KLHL22: variants seen among roughly 807,000 people sequenced by gnomAD.
KLHL22 encodes kelch-like protein 22.
KLHL22 carries 18 observed loss-of-function variants against 60.7 expected under a neutral mutation model. The ratio of observed to expected loss-of-function variants is 0.30; its 90% confidence interval spans 0.20 to 0.44. The LOEUF (loss-of-function observed/expected upper bound fraction) is 0.44, where lower values mean the gene tolerates loss of function less well. Ranked by LOEUF, KLHL22 falls within the 20% of genes least tolerant of loss-of-function variation. The pLI is 1.00. For synonymous variants in KLHL22, 355 were observed against 354.5 expected (o/e 1.00, Z -0.01); for missense variants, 596 against 852.3 (o/e 0.70, Z 3.74).
intron 2 of KLHL22, 52 bp from the exon 3 acceptor site, chr22:20,471,567 C>A (rs1213218540): frequency 1.3e-6 from 2 of 1,581,232 alleles, no homozygotes; most frequent in African/African-American, 2.7e-5. Context: ...GGACTTAAGC[C>A]CATGTTGCCA....
chr22:20,446,346 T>C lies in KLHL22; in HGVS notation c.1539+97A>G. 4 of 803,156 alleles carry C rather than the reference T, an allele frequency of 5.0e-6. No homozygotes were observed. The Admixed American group carries it at 8.3e-5, about 17-fold the overall frequency. The allele number at this position is 803,156 out of a possible 1,614,324, so 49.8% of individuals were successfully genotyped here. A position where few individuals can be genotyped will look rare whatever the true frequency, so the allele number is the denominator to read the frequency against. On this transcript the variant is annotated intron_variant, in intron 6 of 6. Transcript: ENST00000328879. Reference sequence around the variant, plus strand: ...TAAAACTGCTCTAAAAAATAGTCTATTTTTAAAAGGCACATGATTCAATTA... The same window carrying C: ...TAAAACTGCTCTAAAAAATAGTCTACTTTTAAAAGGCACATGATTCAATTA...
At chr22:20,458,819 G>A (rs1003920307) in intron 4 of KLHL22, among the ~76,000 whole-genome samples, 1 of 152,002 alleles carries the variant, frequency 6.6e-6, no homozygotes, top group African/African-American at 2.4e-5. Context: ...CCAGCCCCGC[G>A]TTTCCTGACC....
At chr22:20,479,455 A>G (rs1344109328) in intron 2 of KLHL22, among the ~76,000 whole-genome samples, 1 of 152,082 alleles carries the variant, frequency 6.6e-6, no homozygotes, top group Non-Finnish European at 1.5e-5. Flanking sequence ...TAATCCCAGC[A>G]CTTTGGGAGG....
intron 1 of KLHL22, among the ~76,000 whole-genome samples, chr22:20,490,943 G>A (rs2053677702): frequency 6.6e-6 from 1 of 152,158 alleles, no homozygotes; most frequent in Non-Finnish European, 1.5e-5. Context: ...ACTACCTGGA[G>A]ACAGTGTCTG....
At chr22:20,448,243 A>C (rs2052910562) in intron 5 of KLHL22, among the ~76,000 whole-genome samples, 1 of 152,182 alleles carries the variant, frequency 6.6e-6, no homozygotes, top group South Asian at 2.1e-4. Flanking sequence ...GTACCTCCAA[A>C]ATCTGAGACT....
At chr22:20,447,229 C>T (rs920363993) in intron 5 of KLHL22, among the ~76,000 whole-genome samples, 9 of 152,220 alleles carry the variant, frequency 5.9e-5, no homozygotes, top group Non-Finnish European at 1.2e-4. Flanking sequence ...GGGCTATCTC[C>T]ATAGGGCCCA....
At chr22:20,474,390 T>A (rs1041414479) in intron 2 of KLHL22, among the ~76,000 whole-genome samples, 3 of 152,014 alleles carry the variant, frequency 2.0e-5, no homozygotes, top group African/African-American at 4.8e-5. Context: ...TCACTTTTTT[T>A]ATTTTATTTT....
intron 4 of KLHL22, among the ~76,000 whole-genome samples, chr22:20,462,414 G>A (rs1375893589): frequency 6.6e-6 from 1 of 151,958 alleles, no homozygotes; most frequent in Non-Finnish European, 1.5e-5. Context: ...CAGTACAGGG[G>A]CATGATCATA....
At chr22:20,463,687 T>C (rs889695472) in intron 4 of KLHL22, among the ~76,000 whole-genome samples, 1 of 152,240 alleles carries the variant, frequency 6.6e-6, no homozygotes, top group Non-Finnish European at 1.5e-5. Flanking sequence ...CACAACTTTG[T>C]TTAGAGAGGA....
Position 20,471,460 on chromosome 22 carries a change from C to G in KLHL22, c.283G>C (p.Gly95Arg). The stretch of plus-strand genomic sequence containing the variant: ...TGGCACATAGCATTGTAGGACACAC[C>G]GTGGATCAGGACCTCTTCCTGTTCC... ...EMEQEEVLIH[G>R]VSYNAMCQIL... The change falls in exon 3 of 7, where the codon GGT becomes CGT. Residue 95 changes from glycine to arginine, a missense_variant. Transcript: ENST00000328879. The G allele has an allele frequency of 6.2e-7, 1 of 1,614,174 alleles. No individual in the cohort carries two copies. Among genetic ancestry groups the G allele is most frequent in the Non-Finnish European group, 8.5e-7 (1 of 1,180,008 alleles).
chr22:20,492,448 C>G (rs895991213), intron 1 of KLHL22, among the ~76,000 whole-genome samples: 1 of 151,798 alleles, frequency 6.6e-6, no homozygotes, highest in Non-Finnish European at 1.5e-5. Flanking sequence ...AAAAGGGATA[C>G]CTGTCATCCC....
chr22:20,451,004 T>C, intron 5 of KLHL22: 1 of 1,544,588 alleles, frequency 6.5e-7, no homozygotes, highest in Non-Finnish European at 9.0e-7. Context: ...CAGTCTCCCA[T>C]CGATGCAGTA....
At chr22:20,464,323 C>T (rs1388199433) in intron 4 of KLHL22, among the ~76,000 whole-genome samples, 2 of 152,224 alleles carry the variant, frequency 1.3e-5, no homozygotes, top group African/African-American at 2.4e-5. Flanking sequence ...TTGGCCTTTA[C>T]CACGCCCCTG....
At chr22:20,477,848 T>G in intron 2 of KLHL22, among the ~76,000 whole-genome samples, 1 of 152,132 alleles carries the variant, frequency 6.6e-6, no homozygotes, top group South Asian at 2.1e-4. Context: ...GCCTCCCAAA[T>G]AGCTGGGACT....
rs1003194184 is a variant in KLHL22 at position 20,450,968 on chromosome 22, T to C, written c.1306-4292A>G. 1.9e-5 allele frequency: 31 copies of C among 1,601,128 alleles called. No homozygotes were observed. The Admixed American group carries it at 5.0e-4, about 26-fold the overall frequency. The stretch of plus-strand genomic sequence containing the variant: ...CGCCTAGGAGCCAATGAAGTGCTTT[T>C]GGTGGCTGGGGGCTTCGGAAGCCAG... On this transcript the variant is annotated intron_variant, in intron 5 of 6. Transcript: ENST00000328879.
chr22:20,474,299 C>T (rs1385800231), intron 2 of KLHL22, among the ~76,000 whole-genome samples: 1 of 151,930 alleles, frequency 6.6e-6, no homozygotes, highest in Non-Finnish European at 1.5e-5. Flanking sequence ...GCACCCAGCC[C>T]GGTTTTTACT....
At chr22:20,486,093 G>A (rs1170056349) in intron 2 of KLHL22, among the ~76,000 whole-genome samples, 5 of 145,896 alleles carry the variant, frequency 3.4e-5, no homozygotes, top group Admixed American at 6.9e-5. Context: ...GCTTGAACCC[G>A]GAGGCAGAGG....
chr22:20,487,382 T>C (rs1485844030), intron 2 of KLHL22, among the ~76,000 whole-genome samples: 3 of 74,852 alleles, frequency 4.0e-5, no homozygotes, highest in Non-Finnish European at 8.1e-5. Flanking sequence ...TACACCCAGC[T>C]AATTTTTTTT....
chr22:20,483,768 T>C (rs5749793), intron 2 of KLHL22: 254,839 of 737,904 alleles, frequency 0.35, 45,547 homozygotes, highest in East Asian at 0.48. Flanking sequence ...CAAGTGCTTC[T>C]GGATTTTGCT....
Sources: allele counts gnomAD v4.1 joint callset (sites outside exome capture counted in the v4.1 genomes callset), GRCh38; gene constraint gnomAD v4.1.1; transcripts MANE v1.5; gene names NCBI Gene and HGNC (gene_info 2026-07-23, HGNC 2026-07-21).